ANKRD35: variants seen among roughly 807,000 people sequenced by gnomAD.
ANKRD35 encodes the protein ankyrin repeat domain 35.
Under a neutral mutation model 109.9 loss-of-function variants are expected in ANKRD35, and 102 were observed. That is an observed-to-expected ratio of 0.93 (90% CI 0.79 to 1.09). The LOEUF is 1.09. Ranked by LOEUF, ANKRD35 falls within the 50% of genes least tolerant of loss-of-function variation. The pLI, the probability that ANKRD35 is intolerant of heterozygous loss-of-function variation, is 0.00. For synonymous variants in ANKRD35, 515 were observed against 512.4 expected, an observed-to-expected ratio of 1.01 and a Z score of -0.07; for missense variants, 1,240 against 1,230.1, an observed-to-expected ratio of 1.01 and a Z score of -0.12.
At chr1:145,869,171 G>GT (rs1410693696) in intron 10 of ANKRD35, among the ~76,000 whole-genome samples, 4 of 113,934 alleles carry the variant, frequency 3.5e-5, no homozygotes, top group African/African-American at 1.0e-4. Context: ...AAGGAAGTTT[G>GT]TTTTTTTGTT....
chr1:145,870,455 T>C (rs1254626054), intron 10 of ANKRD35, among the ~76,000 whole-genome samples: 2 of 152,156 alleles, frequency 1.3e-5, no homozygotes, highest in African/African-American at 4.8e-5. Context: ...TTTATTATCC[T>C]CATTTTATAG....
At chr1:145,881,684 G>A in intron 1 of ANKRD35, among the ~76,000 whole-genome samples, 1 of 152,136 alleles carries the variant, frequency 6.6e-6, no homozygotes, top group East Asian at 1.9e-4. Flanking sequence ...AACACTGTCT[G>A]CCTCTGTGAA....
At chr1:145,868,607 G>A (rs1227794390) in intron 10 of ANKRD35, among the ~76,000 whole-genome samples, 2 of 152,134 alleles carry the variant, frequency 1.3e-5, no homozygotes, top group Non-Finnish European at 2.9e-5. Context: ...CACAAACTTC[G>A]GTGAAACCCT....
intron 13 of ANKRD35, among the ~76,000 whole-genome samples, chr1:145,867,048 C>T (rs1214020108): frequency 6.6e-6 from 1 of 152,144 alleles, no homozygotes; most frequent in African/African-American, 2.4e-5. Context: ...AGACCCAACC[C>T]CTCTTTTCAG....
intron 11 of ANKRD35, 49 bp downstream of exon 11, chr1:145,868,262 C>T: frequency 6.3e-7 from 1 of 1,576,542 alleles, no homozygotes; most frequent in Non-Finnish European, 8.7e-7. Flanking sequence ...TACATCACTT[C>T]CACTGCTGAC....
Position 145,872,093 on chromosome 1 carries a change from C to T in ANKRD35, c.2676G>A (p.Glu892=), listed in dbSNP as rs1653845452. 11 of 1,613,290 alleles carry T rather than the reference C, an allele frequency of 6.8e-6. No individual in the cohort carries two copies. Among genetic ancestry groups the T allele is most frequent in the South Asian group, 1.1e-5 (1 of 91,064 alleles). Reference sequence around the variant, plus strand: ...GCCCCCGCATCTCGCTGGCCTGGCGCTCTTGTTCGGCTGCCTGAGCGGCCA... The same window carrying T: ...GCCCCCGCATCTCGCTGGCCTGGCGTTCTTGTTCGGCTGCCTGAGCGGCCA... ...GDLAAQAAEQ[E]RQASEMRGRS... is the part of the protein sequence containing the mutation. The change falls in exon 10 of 14, where the codon GAG becomes GAA. Residue 892 remains glutamate (E), a synonymous_variant. Coordinates refer to ENST00000355594, the MANE Select transcript of ANKRD35 (RefSeq NM_144698.5).
Position 145,878,403 on chromosome 1 carries a change from T to C in ANKRD35, c.247A>G (p.Lys83Glu), listed in dbSNP as rs587737472. Residue 83 changes from lysine (K) to glutamate (E), a missense_variant, in exon 3 of 14, where the codon AAG (lysine) becomes GAG (glutamate). Transcript: ENST00000355594. The stretch of plus-strand genomic sequence containing the variant: ...CCGGCTCACTCACCATCCTCATTCT[T>C]GCTGTTGATGTCAGCCCCATTTGCA... Reference protein sequence around the residue: ...LLANGADINSKNEDGSTALHL... With the variant: ...LLANGADINSENEDGSTALHL... The C allele has an allele frequency of 1.9e-5, 30 of 1,567,472 alleles. No individual in the cohort carries two copies. In the South Asian group the frequency reaches 2.7e-4, roughly 14 times the overall value.
At chr1:145,871,948 C>T (rs1653836580) in intron 10 of ANKRD35, 34 bp downstream of exon 10, 1 of 1,601,680 alleles carries the variant, frequency 6.2e-7, no homozygotes, top group African/African-American at 1.3e-5. Flanking sequence ...AGAAACTTTC[C>T]CCAGTGCTCC....
chr1:145,872,448 G>C lies in ANKRD35; in HGVS notation c.2321C>G (p.Pro774Arg). Residue 774 changes from proline to arginine, a missense_variant, in exon 10 of 14, where the codon CCA becomes CGA. Transcript: ENST00000355594. The stretch of plus-strand genomic sequence containing the variant: ...CAGAGCGGCCACTTGGGGGGATGCT[G>C]GGGCCTTTAAGGAGGTGCCTGGCTC... ...CREPGTSLKA[P>R]ASPQVAALEQ... 1.2e-6 allele frequency: 2 copies of C among 1,608,620 alleles called. No individual in the cohort carries two copies. The highest frequency in any genetic ancestry group is 8.5e-7 in the Non-Finnish European group (1 of 1,178,038).
chr1:145,876,735 G>A, intron 5 of ANKRD35, 81 bp downstream of exon 5: 1 of 1,609,616 alleles, frequency 6.2e-7, no homozygotes, highest in South Asian at 1.1e-5. Flanking sequence ...GGTTGGCCCT[G>A]GCTGCCCTTC....
rs367773707 is a variant in ANKRD35 at position 145,872,454 on chromosome 1, T to G, written c.2315A>C (p.Lys772Thr). 6.2e-7 allele frequency: 1 copy of G among 1,606,406 alleles called. No individual in the cohort carries two copies. Among genetic ancestry groups the G allele is most frequent in the African/African-American group, 1.3e-5 (1 of 74,776 alleles). The stretch of plus-strand genomic sequence containing the variant: ...GGCCACTTGGGGGGATGCTGGGGCC[T>G]TTAAGGAGGTGCCTGGCTCCCTACA... ...SPCREPGTSL[K>T]APASPQVAAL... Residue 772 changes from lysine to threonine, a missense_variant, in exon 10 of 14, where the codon AAG becomes ACG. Transcript: ENST00000355594.
At chr1:145,877,084 A>G (rs1362081627) in intron 4 of ANKRD35, among the ~76,000 whole-genome samples, 4 of 152,186 alleles carry the variant, frequency 2.6e-5, no homozygotes, top group African/African-American at 9.7e-5. Context: ...AGGGGCTAAG[A>G]AAAATCAGAT....
rs781902664 is a variant in ANKRD35, at chr1:145,872,860, C to G, written c.1909G>C (p.Glu637Gln). 1.4e-5 allele frequency: 23 copies of G among 1,614,014 alleles called. No individual in the cohort carries two copies. The highest frequency in any genetic ancestry group is 1.9e-5 in the Non-Finnish European group (22 of 1,180,046). ...AGCTCCCTCTGCAACCTCTGCCGCT[C>G]CCGCCCCAACTCCCCTAACTCCTCC... is the stretch of plus-strand genomic sequence containing the variant. The part of the protein sequence containing the change: ...LLEELGELGR[E>Q]RQRLQRELQS... The change falls in exon 10 of 14, where the codon GAG becomes CAG. Residue 637 changes from glutamate to glutamine, a missense_variant. Transcript: ENST00000355594.
At chr1:145,868,579 G>A (rs1204136530) in intron 10 of ANKRD35, among the ~76,000 whole-genome samples, 179 bp from the exon 11 acceptor site, 2 of 152,158 alleles carry the variant, frequency 1.3e-5, no homozygotes, top group African/African-American at 4.8e-5. Context: ...GAATAACAAC[G>A]TAAAAGCTAA....
In ANKRD35 at chr1:145,879,338, C is replaced by G. The variant is rs782188282; in HGVS notation, c.90G>C (p.Arg30Ser). Residue 30 changes from arginine to serine, a missense_variant, in exon 2 of 14, where the codon AGG (arginine) becomes AGC (serine). Transcript: ENST00000355594. ...HDQKLLEAVH[R>S]GDVGRVAALA... ...GGGCAGCCACGCGTCCCACATCCCC[C>G]CTGTGCACTGCCTCCAGCAGCTTCT... 97 of 1,608,076 alleles carry G rather than the reference C, an allele frequency of 6.0e-5. No homozygotes were observed. Among genetic ancestry groups the G allele is most frequent in the Non-Finnish European group, 7.6e-5 (89 of 1,177,510 alleles).
chr1:145,872,636 G>A lies in ANKRD35; in HGVS notation c.2133C>T (p.Asp711=), dbSNP rs782310849. 24 of 1,614,036 alleles carry A rather than the reference G, an allele frequency of 1.5e-5. No homozygotes were observed. In the Admixed American group the frequency reaches 3.5e-4, roughly 24 times the overall value. ...TTTGTGCACTCCTCTCGCCCACTAG[G>A]TCTGCGGGCAGGCAGTCCCACAGCC... ...LRGLWDCLPA[D]LVGERSAQSK... is the part of the protein sequence containing the mutation. The change falls in exon 10 of 14, where the codon GAC becomes GAT. Residue 711 remains aspartate (D), a synonymous_variant. Coordinates refer to ENST00000355594, the MANE Select transcript of ANKRD35 (RefSeq NM_144698.5).
chr1:145,877,900 A>C, intron 4 of ANKRD35, 68 bp downstream of exon 4: 1 of 1,481,720 alleles, frequency 6.7e-7, no homozygotes, highest in Non-Finnish European at 9.4e-7. Context: ...TTAAGTATGA[A>C]ATGAAGTTAG....
At chr1:145,868,961 TA>T (rs1653704680) in intron 10 of ANKRD35, among the ~76,000 whole-genome samples, 1 of 152,218 alleles carries the variant, frequency 6.6e-6, no homozygotes, top group African/African-American at 2.4e-5. Flanking sequence ...GCATTGTTTT[TA>T]TTTTTTTAAA....
intron 10 of ANKRD35, among the ~76,000 whole-genome samples, chr1:145,869,097 T>C (rs952256219): frequency 2.0e-5 from 3 of 152,078 alleles, no homozygotes; most frequent in African/African-American, 7.2e-5. Flanking sequence ...TGATAAAACA[T>C]TGAAAACTTA....
Sources: allele counts gnomAD v4.1 joint callset (sites outside exome capture counted in the v4.1 genomes callset), GRCh38; gene constraint gnomAD v4.1.1; transcripts MANE v1.5; gene names NCBI Gene and HGNC (gene_info 2026-07-23, HGNC 2026-07-21).